Variants in TULP4 observed in about 807,000 individuals in gnomAD.
TULP4 encodes the protein tubby-related protein 4.
A neutral mutation model predicts 129.0 loss-of-function variants in TULP4; 16 were observed. That is an observed-to-expected ratio of 0.12 (90% CI 0.08 to 0.19). TULP4 has a LOEUF of 0.19. TULP4 is among the 10% of genes least tolerant of loss of function. TULP4 has a pLI of 1.00. For synonymous variants in TULP4, 998 were observed against 854.0 expected (o/e 1.17, Z -2.94); for missense variants, 1,842 against 2,059.1 (o/e 0.89, Z 2.04).
chr6:158,373,451 ACAGTT>A (rs1458308040), intron 1 of TULP4, among the ~76,000 whole-genome samples: 3 of 152,334 alleles, frequency 2.0e-5, no homozygotes, highest in African/African-American at 7.2e-5. Context: ...GACTGAGTGA[ACAGTT>A]AGAGTGTGGC....
At chr6:158,379,249 A>T (rs1438282736) in intron 1 of TULP4, among the ~76,000 whole-genome samples, 1 of 152,182 alleles carries the variant, frequency 6.6e-6, no homozygotes, top group Non-Finnish European at 1.5e-5. Flanking sequence ...CCATTTACTG[A>T]GGTAGTTCTC....
intron 6 of TULP4, among the ~76,000 whole-genome samples, chr6:158,472,250 G>A (rs1469943752): frequency 1.3e-5 from 2 of 152,138 alleles, no homozygotes; most frequent in Non-Finnish European, 2.9e-5. Flanking sequence ...CTGTAGTAAA[G>A]GTTTTATGGC....
At chr6:158,434,195 A>G (rs1778699368) in intron 3 of TULP4, among the ~76,000 whole-genome samples, 1 of 152,164 alleles carries the variant, frequency 6.6e-6, no homozygotes, top group African/African-American at 2.4e-5. Flanking sequence ...AAAAATAGTC[A>G]CATTTGGGGT....
At chr6:158,365,517 C>T (rs1355258646) in intron 1 of TULP4, among the ~76,000 whole-genome samples, 1 of 146,880 alleles carries the variant, frequency 6.8e-6, no homozygotes, top group African/African-American at 2.5e-5. Flanking sequence ...TGCTCTGTTG[C>T]CCAGGCTGGA....
At chr6:158,395,427 A>T (rs1777686176) in intron 1 of TULP4, among the ~76,000 whole-genome samples, 1 of 151,968 alleles carries the variant, frequency 6.6e-6, no homozygotes, top group African/African-American at 2.4e-5. Context: ...CTAAAAATAC[A>T]AAAATTAGCT....
chr6:158,505,433 C>G (rs1475444315), intron 13 of TULP4, among the ~76,000 whole-genome samples: 2 of 152,208 alleles, frequency 1.3e-5, no homozygotes, highest in East Asian at 3.8e-4. Context: ...GAGTATCGTC[C>G]CTGGCTGTGT....
intron 8 of TULP4, among the ~76,000 whole-genome samples, chr6:158,486,916 G>A (rs1399442565): frequency 6.6e-6 from 1 of 152,124 alleles, no homozygotes; most frequent in Non-Finnish European, 1.5e-5. Context: ...TTCAAGACCA[G>A]CCTGGGCAAC....
chr6:158,438,559 AC>A (rs1375674972), intron 3 of TULP4, among the ~76,000 whole-genome samples: 6 of 143,294 alleles, frequency 4.2e-5, no homozygotes, highest in Admixed American at 1.5e-4. Context: ...TCAGCTAAAA[AC>A]ACCACAGTTT....
intron 1 of TULP4, among the ~76,000 whole-genome samples, chr6:158,291,610 A>G (rs1778942176): frequency 6.6e-6 from 1 of 151,800 alleles, no homozygotes; most frequent in African/African-American, 2.4e-5. Flanking sequence ...CTCAGTTGTT[A>G]TGTCTTCAGA....
intron 1 of TULP4, among the ~76,000 whole-genome samples, chr6:158,289,289 G>A (rs1268672835): frequency 6.6e-6 from 1 of 152,004 alleles, no homozygotes; most frequent in Non-Finnish European, 1.5e-5. Context: ...ATTTATTTGT[G>A]CTGCTCTGTC....
At chr6:158,368,543 T>C (rs1270227026) in intron 1 of TULP4, among the ~76,000 whole-genome samples, 1 of 152,236 alleles carries the variant, frequency 6.6e-6, no homozygotes, top group African/African-American at 2.4e-5. Context: ...CTAGTAGTGT[T>C]TCACGGCATT....
chr6:158,318,721 CT>C (rs200528617), intron 1 of TULP4, among the ~76,000 whole-genome samples: 134 of 149,486 alleles, frequency 9.0e-4, no homozygotes, highest in African/African-American at 2.7e-3. Flanking sequence ...ATTGTTATAT[CT>C]TTTTTTTTTA....
At chr6:158,453,368 C>T (rs564680165) in intron 5 of TULP4, among the ~76,000 whole-genome samples, 374 of 151,366 alleles carry the variant, frequency 2.5e-3, no homozygotes, top group African/African-American at 8.7e-3. Flanking sequence ...CCTGTAGTCC[C>T]AGCTACTCGG....
At chr6:158,462,916 AT>A (rs1356782479) in intron 6 of TULP4, among the ~76,000 whole-genome samples, 1 of 151,716 alleles carries the variant, frequency 6.6e-6, no homozygotes, top group African/African-American at 2.4e-5. Context: ...CGCCCGGCTA[AT>A]TTTTGTATGT....
chr6:158,401,798 C>A (rs896745848), intron 1 of TULP4, among the ~76,000 whole-genome samples: 5 of 152,028 alleles, frequency 3.3e-5, no homozygotes, highest in African/African-American at 1.2e-4. Context: ...ATGGATACAA[C>A]ACCTCCTCAC....
At chr6:158,302,051 T>G (rs1779141162) in intron 1 of TULP4, among the ~76,000 whole-genome samples, 1 of 152,202 alleles carries the variant, frequency 6.6e-6, no homozygotes, top group Non-Finnish European at 1.5e-5. Flanking sequence ...CCAGCCTCTT[T>G]AACACAATGG....
chr6:158,252,173 A>G (rs1267019107), intron 1 of TULP4, among the ~76,000 whole-genome samples: 1 of 151,994 alleles, frequency 6.6e-6, no homozygotes, highest in Admixed American at 6.5e-5. Flanking sequence ...GTGTATAAGT[A>G]TTTTTCATGG....
At position 158,266,330 on chromosome 6, in the gene TULP4, C is replaced by T. The variant is rs540554202; in HGVS notation, n.68+34027C>T. ...GGAGGGCGGTGATGCAGTCACGACT[C>T]ACTGCAGCCTTGACGTCCCGGGTTC... On this transcript the variant is annotated intron_variant and non_coding_transcript_variant, in intron 1 of 1. Coordinates refer to the TULP4 transcript ENST00000620026. Among the ~76,000 whole-genome samples the T allele has an allele frequency of 1.8e-4, 27 of 152,336 alleles. 1 individual carries two copies. In the East Asian group the frequency reaches 3.7e-3, roughly 21 times the overall value.
At chr6:158,454,853 G>A (rs1002275839) in intron 5 of TULP4, among the ~76,000 whole-genome samples, 7 of 151,894 alleles carry the variant, frequency 4.6e-5, no homozygotes, top group Non-Finnish European at 8.8e-5. Context: ...TGATCCACCC[G>A]CCTGGGCCTC....
Sources: allele counts gnomAD v4.1 joint callset (sites outside exome capture counted in the v4.1 genomes callset), GRCh38; gene constraint gnomAD v4.1.1; transcripts MANE v1.5; gene names NCBI Gene and HGNC (gene_info 2026-07-23, HGNC 2026-07-21).